Variants in ATG14 observed in about 807,000 individuals in gnomAD.
ATG14 encodes autophagy related 14, also known as beclin 1-associated autophagy-related key regulator.
In ATG14, 35 loss-of-function variants were observed where a neutral mutation model predicts 60.4. That is an observed-to-expected ratio of 0.58 (90% CI 0.44 to 0.77). The LOEUF (loss-of-function observed/expected upper bound fraction) is 0.77. Ranked by LOEUF, ATG14 falls within the 30% of genes least tolerant of loss-of-function variation. The pLI is 0.00. For missense variants in ATG14, 647 were observed against 626.3 expected (o/e 1.03, Z -0.35); for synonymous variants, 234 against 228.8 (o/e 1.02, Z -0.21).
chr14:55,384,429 C>T (rs1221747253), intron 5 of ATG14, among the ~76,000 whole-genome samples: 1 of 152,210 alleles, frequency 6.6e-6, no homozygotes, highest in African/African-American at 2.4e-5. Flanking sequence ...ATTTACAGAC[C>T]TTATTCACCT....
At chr14:55,407,425 G>C (rs558739543) in intron 1 of ATG14, among the ~76,000 whole-genome samples, 1 of 151,628 alleles carries the variant, frequency 6.6e-6, no homozygotes, top group Non-Finnish European at 1.5e-5. Flanking sequence ...CACTGCCCCC[G>C]GCCTCATTTT....
chr14:55,392,867 A>G (rs1052136075), intron 3 of ATG14, among the ~76,000 whole-genome samples: 2 of 152,188 alleles, frequency 1.3e-5, no homozygotes, highest in African/African-American at 4.8e-5. Flanking sequence ...CAGACATTCA[A>G]AAACAGATCC....
Position 55,369,848 on chromosome 14 carries a change from T to C in ATG14, c.1250A>G (p.Asp417Gly). The change falls in exon 10 of 10, where the codon GAT (aspartate) becomes GGT (glycine). Residue 417 changes from aspartate to glycine, a missense_variant. By Grantham distance (94) the Asp-to-Gly change is moderately conservative. Coordinates refer to ENST00000247178, the MANE Select transcript of ATG14 (RefSeq NM_014924.5). ...GCTGACGCGCTCATCTCCGCTCTCA[T>C]CTGATTCTCCAGCAACTCCGGGATC... ...FVDPGVAGES[D>G]ESGDERVSDE... 1 of 1,614,184 alleles carries C rather than the reference T, an allele frequency of 6.2e-7. No individual in the cohort carries two copies. Among genetic ancestry groups the C allele is most frequent in the Non-Finnish European group, 8.5e-7 (1 of 1,180,026 alleles).
chr14:55,394,705 A>T (rs751977051), intron 3 of ATG14, among the ~76,000 whole-genome samples: 1 of 152,222 alleles, frequency 6.6e-6, no homozygotes, highest in African/African-American at 2.4e-5. Context: ...TTTCTTTAGG[A>T]AACAGTTCTA....
intron 1 of ATG14, among the ~76,000 whole-genome samples, chr14:55,406,632 C>T (rs60505634): frequency 0.15 from 22,957 of 152,096 alleles, 2,540 homozygotes; most frequent in African/African-American, 0.32. Context: ...TAAAAAATAT[C>T]TGGCTATTAG....
intron 1 of ATG14, among the ~76,000 whole-genome samples, chr14:55,411,184 A>G (rs866323472): frequency 1.4e-4 from 22 of 152,196 alleles, no homozygotes; most frequent in African/African-American, 5.3e-4. Context: ...CAGTTATTTG[A>G]TTCTCTTCTA....
chr14:55,370,981 C>T (rs1483190645), intron 9 of ATG14, among the ~76,000 whole-genome samples: 1 of 152,132 alleles, frequency 6.6e-6, no homozygotes, highest in Non-Finnish European at 1.5e-5. Flanking sequence ...AAATGCCCCT[C>T]AGCTCCTGCT....
intron 1 of ATG14, among the ~76,000 whole-genome samples, chr14:55,400,548 AAGTGAATAGCCT>A (rs1885380460): frequency 6.6e-6 from 1 of 152,200 alleles, no homozygotes; most frequent in South Asian, 2.1e-4. Flanking sequence ...GTAACGATAC[AAGTGAATAGCCT>A]AGTGCACTTT....
Position 55,395,982 on chromosome 14 carries a change from T to C in ATG14, c.285A>G (p.Glu95=), listed in dbSNP as rs1885308125. 1 of 1,583,636 alleles carries C rather than the reference T, an allele frequency of 6.3e-7. No individual in the cohort carries two copies. Among genetic ancestry groups the C allele is most frequent in the African/African-American group, 1.4e-5 (1 of 73,580 alleles). The change falls in exon 3 of 10, where the codon GAA becomes GAG. Residue 95 remains glutamate (E), a splice_region_variant and synonymous_variant. Coordinates refer to ENST00000247178, the MANE Select transcript of ATG14 (RefSeq NM_014924.5). ...LKSKQEEFQK[E]VLKAMEGKWI... Reference sequence around the variant, plus strand: ...ATTTTCCTTCCATAGCTTTTAACACTCTGTGAGGAAAAGAGACAGAAAATA... The same window carrying C: ...ATTTTCCTTCCATAGCTTTTAACACCCTGTGAGGAAAAGAGACAGAAAATA...
intron 3 of ATG14, among the ~76,000 whole-genome samples, chr14:55,391,727 G>A (rs112208515): frequency 0.059 from 8,912 of 152,160 alleles, 325 homozygotes; most frequent in South Asian, 0.089. Flanking sequence ...ACTGGACAGC[G>A]CAGATACAGA....
At chr14:55,371,161 A>G (rs1884808436) in intron 9 of ATG14, among the ~76,000 whole-genome samples, 1 of 152,202 alleles carries the variant, frequency 6.6e-6, no homozygotes, top group South Asian at 2.1e-4. Context: ...GGTTTCACTG[A>G]TAACGACTTT....
intron 5 of ATG14, among the ~76,000 whole-genome samples, chr14:55,383,715 C>A (rs773004683): frequency 4.6e-5 from 7 of 152,004 alleles, no homozygotes; most frequent in African/African-American, 1.2e-4. Flanking sequence ...TATAATCATA[C>A]CATTGCACTC....
At chr14:55,393,191 C>A (rs962565358) in intron 3 of ATG14, among the ~76,000 whole-genome samples, 4 of 151,688 alleles carry the variant, frequency 2.6e-5, no homozygotes, top group Admixed American at 2.0e-4. Flanking sequence ...ACCATCCTGG[C>A]TAACACGGTG....
chr14:55,397,564 C>T lies in ATG14; in HGVS notation c.222-130G>A, dbSNP rs190915894. On this transcript the variant is annotated intron_variant, in intron 1 of 9. Transcript: ENST00000247178. ...TGTCATTGTCCTGATAGTAAATACA[C>T]GTCTTCTCAACGGGGTGCACACAAC... 365 of 733,270 alleles carry T rather than the reference C, an allele frequency of 5.0e-4. 1 individual carries two copies. Among genetic ancestry groups the T allele is most frequent in the Non-Finnish European group, 7.7e-4 (327 of 427,074 alleles). 45.4% of individuals were successfully genotyped at this position (733,270 alleles called of 1,614,324 possible). A position where few individuals can be genotyped will look rare whatever the true frequency, so the allele number is the denominator to read the frequency against.
chr14:55,400,060 C>T (rs1375963532), intron 1 of ATG14, among the ~76,000 whole-genome samples: 1 of 152,214 alleles, frequency 6.6e-6, no homozygotes, highest in East Asian at 1.9e-4. Flanking sequence ...GAGTCACGTC[C>T]TCCTTCATGA....
At position 55,369,277 on chromosome 14, in the gene ATG14, ACCCATATCTGTGGGCCCGGTGGCCCGGG is replaced by A. The variant is rs1884755670; in HGVS notation, c.*314_*341del. On this transcript the variant is annotated 3_prime_UTR_variant, in exon 10 of 10. Coordinates refer to ENST00000247178, the MANE Select transcript of ATG14 (RefSeq NM_014924.5). ...CAGCACCGCAAGGACCAGCACACTG[ACCCATATCTGTGGGCCCGGTGGCCCGGG>A]CCCAGAGGGAACCCAAATCAACTGC... is the stretch of plus-strand genomic sequence containing the variant. 2 of 180,624 alleles carry A rather than the reference ACCCATATCTGTGGGCCCGGTGGCCCGGG, an allele frequency of 1.1e-5. No individual in the cohort carries two copies. Among genetic ancestry groups the A allele is most frequent in the Non-Finnish European group, 2.2e-5 (2 of 90,152 alleles). 11.2% of individuals were successfully genotyped at this position (180,624 alleles called of 1,614,324 possible). A position where few individuals can be genotyped will look rare whatever the true frequency, so the allele number is the denominator to read the frequency against.
intron 1 of ATG14, among the ~76,000 whole-genome samples, chr14:55,410,375 C>T (rs1250714710): frequency 3.3e-5 from 5 of 152,186 alleles, no homozygotes; most frequent in Admixed American, 2.0e-4. Flanking sequence ...ACCAAATCCT[C>T]GATTCACTCC....
chr14:55,369,891 C>T lies in ATG14; in HGVS notation c.1207G>A (p.Glu403Lys), dbSNP rs368400738. 6.2e-7 allele frequency: 1 copy of T among 1,613,558 alleles called. No homozygotes were observed. Among genetic ancestry groups the T allele is most frequent in the South Asian group, 1.1e-5 (1 of 91,038 alleles). Residue 403 changes from glutamate to lysine, a missense_variant, in exon 10 of 10, where the codon GAG becomes AAG. Physicochemically the swap from Glu to Lys is moderately conservative, Grantham distance 56. Transcript: ENST00000247178. ...GPFEVRADLE[E>K]SMEFVDPGVA... ...CCGGGATCCACAAATTCCATGGACTCCTCAAGGTCTGCTCGTACTTCAAAG... is the reference window on the plus strand; with the variant it reads ...CCGGGATCCACAAATTCCATGGACTTCTCAAGGTCTGCTCGTACTTCAAAG...
rs1884738668 is a variant in ATG14 at position 55,368,612 on chromosome 14, GTCC to G, written c.*1004_*1006del. On this transcript the variant is annotated 3_prime_UTR_variant, in exon 10 of 10. Transcript: ENST00000247178. ...GCGCTGCATTTCTGAGCAAAGCTGT[GTCC>G]TCAGAGCAACAAAGAGTTCGGGGAA... 6.6e-6 allele frequency: 1 copy of G among 152,206 alleles called. No individual in the cohort carries two copies. The highest frequency in any genetic ancestry group is 1.5e-5 in the Non-Finnish European group (1 of 68,044). The allele number at this position is 152,206 out of a possible 1,614,324, so 9.4% of individuals were successfully genotyped here.
Sources: gnomAD v4.1 joint callset for allele counts (sites outside exome capture counted in the v4.1 genomes callset) on GRCh38, gnomAD v4.1.1 for gene constraint, MANE v1.5 for transcripts, NCBI Gene and HGNC (gene_info 2026-07-23, HGNC 2026-07-21) for gene names.